PTPN4: variants seen among roughly 807,000 people sequenced by gnomAD.
PTPN4 encodes tyrosine-protein phosphatase non-receptor type 4.
Under a neutral mutation model 135.5 loss-of-function variants are expected in PTPN4, and 49 were observed. The observed-to-expected ratio is 0.36, with a 90% CI of 0.29 to 0.46. The LOEUF (loss-of-function observed/expected upper bound fraction) is 0.46. Ranked by LOEUF, PTPN4 falls within the 20% of genes least tolerant of loss-of-function variation. The pLI is 1.00. For synonymous variants in PTPN4, 333 were observed against 369.9 expected (o/e 0.90, Z 1.14); for missense variants, 860 against 1,101.0 (o/e 0.78, Z 3.10).
chr2:119,965,946 C>A (rs998203039), intron 25 of PTPN4, among the ~76,000 whole-genome samples: 1 of 152,116 alleles, frequency 6.6e-6, no homozygotes, highest in Non-Finnish European at 1.5e-5. Flanking sequence ...GTACTGTGGG[C>A]TGTCTTAGTC....
intron 26 of PTPN4, among the ~76,000 whole-genome samples, chr2:119,972,292 T>A (rs781335581): frequency 1.1e-4 from 17 of 152,136 alleles, no homozygotes; most frequent in Admixed American, 4.6e-4. Flanking sequence ...CACAGGATGG[T>A]CTTTCTGTTT....
At position 119,776,609 on chromosome 2, in the gene PTPN4, C is replaced by T. The variant is rs1375165557; in HGVS notation, c.-18+16225C>T. Among the ~76,000 whole-genome samples, 13 of 152,246 alleles carry T rather than the reference C, an allele frequency of 8.5e-5. No homozygotes were observed. The East Asian group carries it at 2.5e-3, about 29-fold the overall frequency. On this transcript the variant is annotated intron_variant, in intron 1 of 26. Coordinates refer to ENST00000263708, the MANE Select transcript of PTPN4 (RefSeq NM_002830.4). ...CCTCCACCTCTTCTATCTCTGCCAC[C>T]CAGAAACAGCAACACCAATCTTTCC...
intron 2 of PTPN4, among the ~76,000 whole-genome samples, chr2:119,811,568 G>A (rs974433451): frequency 2.6e-5 from 4 of 152,218 alleles, no homozygotes; most frequent in African/African-American, 9.6e-5. Context: ...CTATTTAATA[G>A]AAACTCTCAT....
chr2:119,857,302 G>A (rs950208921), intron 2 of PTPN4, among the ~76,000 whole-genome samples: 6 of 151,978 alleles, frequency 3.9e-5, no homozygotes, highest in African/African-American at 1.4e-4. Context: ...AGGCCAAGGC[G>A]GGCGGATTGC....
intron 2 of PTPN4, among the ~76,000 whole-genome samples, chr2:119,840,901 C>T (rs1321579452): frequency 6.6e-6 from 1 of 152,062 alleles, no homozygotes; most frequent in Admixed American, 6.5e-5. Flanking sequence ...CTGTTCATTT[C>T]CTTTGCCCAC....
intron 9 of PTPN4, among the ~76,000 whole-genome samples, chr2:119,890,293 G>A (rs1349804000): frequency 1.4e-5 from 2 of 147,578 alleles, no homozygotes; most frequent in Admixed American, 1.3e-4. Context: ...AACTGTTCTT[G>A]AAATAATTAA....
intron 2 of PTPN4, among the ~76,000 whole-genome samples, chr2:119,858,070 C>T (rs1677708029): frequency 6.6e-6 from 1 of 152,206 alleles, no homozygotes; most frequent in Non-Finnish European, 1.5e-5. Context: ...TGTGATGTGC[C>T]TGCTTCCACT....
intron 2 of PTPN4, among the ~76,000 whole-genome samples, chr2:119,837,000 G>A (rs566324691): frequency 6.6e-6 from 1 of 152,344 alleles, no homozygotes; most frequent in African/African-American, 2.4e-5. Flanking sequence ...GAAGCTGACA[G>A]GCTTCTGGGC....
In PTPN4 at chr2:119,983,710, C is replaced by G. The variant is rs943186125; in HGVS notation, c.*6640C>G. ...GACCCAGGTTTAAATATAATGATCT[C>G]TTCACAGCTTATTTGATGTTTAAGA... On this transcript the variant is annotated 3_prime_UTR_variant, in exon 27 of 27. Transcript: ENST00000263708. The G allele has an allele frequency of 6.6e-6, 1 of 152,144 alleles. No individual in the cohort carries two copies. Among genetic ancestry groups the G allele is most frequent in the Non-Finnish European group, 1.5e-5 (1 of 68,030 alleles). 9.4% of individuals were successfully genotyped at this position (152,144 alleles called of 1,614,324 possible). A position where few individuals can be genotyped will look rare whatever the true frequency, so the allele number is the denominator to read the frequency against.
intron 11 of PTPN4, among the ~76,000 whole-genome samples, chr2:119,917,000 T>A (rs987395982): frequency 2.6e-5 from 4 of 152,232 alleles, no homozygotes; most frequent in African/African-American, 7.2e-5. Context: ...TTTAGGTGAT[T>A]AAAATATAAT....
chr2:119,792,067 T>G (rs959041252), intron 1 of PTPN4, among the ~76,000 whole-genome samples: 2 of 152,236 alleles, frequency 1.3e-5, no homozygotes, highest in African/African-American at 4.8e-5. Context: ...CTGATTCTTC[T>G]GTCTGTTCGA....
At position 119,831,508 on chromosome 2, in the gene PTPN4, G is replaced by A. The variant is rs116682597; in HGVS notation, c.138+21517G>A. On this transcript the variant is annotated intron_variant, in intron 2 of 26. Coordinates refer to ENST00000263708, the MANE Select transcript of PTPN4 (RefSeq NM_002830.4). ...TCGTAGAAACTTTTGAAATCAGGAA[G>A]TGTGAGTTCTCCAACATTCTTTTTA... is the stretch of plus-strand genomic sequence containing the variant. 8.2e-3 allele frequency among the ~76,000 whole-genome samples: 1,253 copies of A among 152,328 alleles called. 18 individuals carry two copies. Among genetic ancestry groups the A allele is most frequent in the African/African-American group, 0.026 (1,062 of 41,582 alleles).
At chr2:119,877,443 A>T in intron 4 of PTPN4, 21 bp from the exon 5 acceptor site, 1 of 1,605,412 alleles carries the variant, frequency 6.2e-7, no homozygotes, top group Non-Finnish European at 8.5e-7. Context: ...GATTAATTAG[A>T]ACTACTTTTA....
At chr2:119,945,312 T>C in intron 16 of PTPN4, 72 bp downstream of exon 16, 1 of 1,379,364 alleles carries the variant, frequency 7.2e-7, no homozygotes, top group Non-Finnish European at 9.7e-7. Flanking sequence ...TCTTTTGTAC[T>C]TTGGCAGTTT....
At chr2:119,761,633 C>T (rs1242889063) in intron 1 of PTPN4, among the ~76,000 whole-genome samples, 4 of 152,236 alleles carry the variant, frequency 2.6e-5, no homozygotes, top group East Asian at 3.9e-4. Flanking sequence ...TATGTCTCTT[C>T]GCATTTTTTA....
chr2:119,919,936 A>G (rs753031422), intron 11 of PTPN4, 133 bp from the exon 12 acceptor site: 13 of 1,167,326 alleles, frequency 1.1e-5, no homozygotes, highest in Non-Finnish European at 1.4e-5. Context: ...AAAAGATCCC[A>G]TAGGTTCTAT....
At chr2:119,952,439 G>A (rs1389012881) in intron 19 of PTPN4, among the ~76,000 whole-genome samples, 2 of 151,920 alleles carry the variant, frequency 1.3e-5, no homozygotes, top group Non-Finnish European at 2.9e-5. Context: ...TTTTGATTTT[G>A]TTATGACTTA....
At chr2:119,862,929 G>C (rs541359747) in intron 3 of PTPN4, among the ~76,000 whole-genome samples, 1 of 152,214 alleles carries the variant, frequency 6.6e-6, no homozygotes, top group South Asian at 2.1e-4. Context: ...GACTGAAAGA[G>C]AGGAAATTGG....
chr2:119,777,438 C>T (rs1008989794), intron 1 of PTPN4, among the ~76,000 whole-genome samples: 2 of 152,160 alleles, frequency 1.3e-5, no homozygotes, highest in African/African-American at 4.8e-5. Context: ...ATAATGGAAG[C>T]TCCATGAGGG....
Sources: allele counts gnomAD v4.1 joint callset (sites outside exome capture counted in the v4.1 genomes callset), GRCh38; gene constraint gnomAD v4.1.1; transcripts MANE v1.5; gene names NCBI Gene and HGNC (gene_info 2026-07-23, HGNC 2026-07-21).